The following NCOR1 variants were observed in gnomAD, a reference collection of about 807,000 sequenced individuals.
The protein encoded by NCOR1 is nuclear receptor corepressor 1, also known as protein phosphatase 1, regulatory subunit 109.
Under a neutral mutation model 288.1 loss-of-function variants are expected in NCOR1, and 63 were observed. The observed-to-expected ratio is 0.22, with a 90% CI of 0.18 to 0.27. The LOEUF is 0.27. Among genes scored for constraint, NCOR1 ranks in the 10% least tolerant of loss-of-function variants. The pLI is 1.00. For synonymous variants in NCOR1, 1,007 were observed against 1,065.9 expected (o/e 0.94, Z 1.08); for missense variants, 2,397 against 3,019.2 (o/e 0.79, Z 4.83).
intron 20 of NCOR1, 158 bp from the exon 21 acceptor site, chr17:16,098,654 G>A: frequency 1.9e-6 from 1 of 534,844 alleles, no homozygotes; most frequent in Non-Finnish European, 3.0e-6. Context: ...GGACAGTTAA[G>A]GAAAAAGGAA....
rs1479387736 is a variant in NCOR1 at position 16,058,584 on chromosome 17, T to C, written c.5897A>G (p.Tyr1966Cys). The change falls in exon 38 of 46, where the codon TAT (tyrosine) becomes TGT (cysteine). Residue 1966 changes from tyrosine (Y) to cysteine (C), a missense_variant. This residue lies in a region of NCOR1 where 1,872 missense variants were observed against 2,187.8 expected (regional missense o/e 0.86). Transcript: ENST00000268712. ...CTCAATAGCATCGCTAGGTGTTTCA[T>C]ACCTGTGAGAAGATACTTTAAGAAA... ...DSSSSLSSHR[Y>C]ETPSDAIEVI... 1.2e-6 allele frequency: 2 copies of C among 1,607,652 alleles called. No homozygotes were observed. Among genetic ancestry groups the C allele is most frequent in the South Asian group, 2.2e-5 (2 of 90,202 alleles).
chr17:16,127,607 ATATGTG>A lies in NCOR1; in HGVS notation c.1510-1407_1510-1402del, dbSNP rs1187197560. 7.5e-5 allele frequency among the ~76,000 whole-genome samples: 11 copies of A among 145,780 alleles called. No individual in the cohort carries two copies. The Middle Eastern group carries it at 0.015, about 204-fold the overall frequency. Reference sequence around the variant, plus strand: ...TGTGTATATATGTATGTATACATACATATGTGTATGTGTATATATACATATATGTAT... The same window carrying A: ...TGTGTATATATGTATGTATACATACATATGTGTATATATACATATATGTAT... On this transcript the variant is annotated intron_variant, in intron 14 of 45. Coordinates refer to ENST00000268712, the MANE Select transcript of NCOR1 (RefSeq NM_006311.4).
chr17:16,096,318 TAAAG>T (rs1383878518), intron 21 of NCOR1, among the ~76,000 whole-genome samples: 2 of 151,270 alleles, frequency 1.3e-5, no homozygotes, highest in South Asian at 2.1e-4. Flanking sequence ...AAAAATAAAA[TAAAG>T]AAAAGAACAA....
intron 3 of NCOR1, among the ~76,000 whole-genome samples, chr17:16,172,735 C>A (rs2083359195): frequency 6.6e-6 from 1 of 152,156 alleles, no homozygotes; most frequent in South Asian, 2.1e-4. Context: ...ACTTGAAGAT[C>A]AGAATCTTTC....
intron 1 of NCOR1, among the ~76,000 whole-genome samples, chr17:16,203,504 A>G (rs1373378350): frequency 6.6e-6 from 1 of 152,188 alleles, no homozygotes; most frequent in African/African-American, 2.4e-5. Context: ...TCATCTCAGA[A>G]GAGTCTTTCT....
At chr17:16,067,526 T>C (rs755288234) in intron 32 of NCOR1, among the ~76,000 whole-genome samples, 12 of 152,254 alleles carry the variant, frequency 7.9e-5, no homozygotes, top group Non-Finnish European at 1.8e-4. Flanking sequence ...TGAAAAAGCC[T>C]TGGCATTAGA....
At chr17:16,142,821 CAT>C (rs1033821707) in intron 11 of NCOR1, among the ~76,000 whole-genome samples, 30 of 152,294 alleles carry the variant, frequency 2.0e-4, no homozygotes, top group Admixed American at 1.7e-3. Flanking sequence ...ATTTGTCAAA[CAT>C]ATACCTTGGT....
Position 16,123,762 on chromosome 17 carries a change from G to A in NCOR1, c.1634+2320C>T, listed in dbSNP as rs533215465. Reference sequence around the variant, plus strand: ...AAATTATCCACAGAGAAGTAGCCTCGACCTCTTCTTAATCTGCCAAAGCAC... The same window carrying A: ...AAATTATCCACAGAGAAGTAGCCTCAACCTCTTCTTAATCTGCCAAAGCAC... On this transcript the variant is annotated intron_variant, in intron 15 of 45. Coordinates refer to ENST00000268712, the MANE Select transcript of NCOR1 (RefSeq NM_006311.4). Among the ~76,000 whole-genome samples, 38 of 152,146 alleles carry A rather than the reference G, an allele frequency of 2.5e-4. No individual in the cohort carries two copies. The South Asian group carries it at 7.5e-3, about 30-fold the overall frequency.
chr17:16,127,786 A>G (rs1194680903), intron 14 of NCOR1, among the ~76,000 whole-genome samples: 1 of 150,788 alleles, frequency 6.6e-6, no homozygotes, highest in Non-Finnish European at 1.5e-5. Flanking sequence ...AGGGTTCGGT[A>G]CTATCTGTGG....
intron 25 of NCOR1, 151 bp from the exon 26 acceptor site, chr17:16,080,215 C>T: frequency 1.3e-6 from 1 of 791,622 alleles, no homozygotes; most frequent in Non-Finnish European, 2.0e-6. Context: ...AAATGTACTT[C>T]CAAAATAATA....
intron 39 of NCOR1, 81 bp downstream of exon 39, chr17:16,057,825 TA>T: frequency 6.8e-7 from 1 of 1,479,656 alleles, no homozygotes; most frequent in South Asian, 1.4e-5. Context: ...ATCTTTATTA[TA>T]AATTTCTTTT....
chr17:16,209,209 T>G (rs191289681), intron 1 of NCOR1, among the ~76,000 whole-genome samples: 45 of 152,230 alleles, frequency 3.0e-4, no homozygotes, highest in Admixed American at 1.8e-3. Context: ...TAATATGTGA[T>G]CAAACCCTTG....
chr17:16,155,883 G>A (rs2079678956), intron 6 of NCOR1, among the ~76,000 whole-genome samples: 1 of 152,124 alleles, frequency 6.6e-6, no homozygotes, highest in African/African-American at 2.4e-5. Context: ...AAAGCCTTGG[G>A]GAGTACATAT....
intron 14 of NCOR1, among the ~76,000 whole-genome samples, chr17:16,127,680 T>G (rs2074897790): frequency 3.4e-5 from 5 of 145,842 alleles, no homozygotes; most frequent in African/African-American, 1.3e-4. Flanking sequence ...TATATGTGTA[T>G]GTGTATATAT....
chr17:16,135,158 C>CAAAAAAA (rs577308243), intron 14 of NCOR1, among the ~76,000 whole-genome samples: 2 of 35,876 alleles, frequency 5.6e-5, no homozygotes, highest in Non-Finnish European at 1.3e-4. Context: ...GACTCCATCT[C>CAAAAAAA]AAAAAAAAAA....
intron 23 of NCOR1, among the ~76,000 whole-genome samples, chr17:16,084,792 T>C (rs2063955270): frequency 6.6e-6 from 1 of 152,182 alleles, no homozygotes; most frequent in Non-Finnish European, 1.5e-5. Context: ...CCTCATACTA[T>C]ACACAAAAAT....
Position 16,139,130 on chromosome 17 carries a change from T to G in NCOR1, c.1230A>C (p.Ala410=). 1 of 1,613,858 alleles carries G rather than the reference T, an allele frequency of 6.2e-7. No homozygotes were observed. Among genetic ancestry groups the G allele is most frequent in the Non-Finnish European group, 8.5e-7 (1 of 1,179,848 alleles). The change falls in exon 12 of 46, where the codon GCA becomes GCC. Residue 410 remains alanine, a synonymous_variant. Coordinates refer to ENST00000268712, the MANE Select transcript of NCOR1 (RefSeq NM_006311.4). Reference sequence around the variant, plus strand: ...TAATGAACTTGACTCGTCTTTGTTCTGCATCAAACATCATAGGTGGAATCA... The same window carrying G: ...TAATGAACTTGACTCGTCTTTGTTCGGCATCAAACATCATAGGTGGAATCA... ...LSVIPPMMFD[A]EQRRVKFINM... is the part of the protein sequence containing the mutation.
chr17:16,056,935 C>G (rs938381927), intron 40 of NCOR1: 1 of 151,720 alleles, frequency 6.6e-6, no homozygotes, highest in Non-Finnish European at 1.5e-5. Flanking sequence ...TATTCACTGA[C>G]AGAAGTCTGA....
intron 22 of NCOR1, among the ~76,000 whole-genome samples, chr17:16,087,685 T>C (rs2064462658): frequency 6.6e-6 from 1 of 152,202 alleles, no homozygotes; most frequent in South Asian, 2.1e-4. Context: ...TGACTGGAGG[T>C]TATTAGCTTT....
Sources: gnomAD v4.1 joint callset for allele counts (sites outside exome capture counted in the v4.1 genomes callset) on GRCh38, gnomAD v4.1.1 for gene constraint, gnomAD v4.1.1 regional missense constraint, MANE v1.5 for transcripts, NCBI Gene and HGNC (gene_info 2026-07-23, HGNC 2026-07-21) for gene names.